PSMD3: variants seen among roughly 807,000 people sequenced by gnomAD.
PSMD3 encodes the protein 26S proteasome non-ATPase regulatory subunit 3.
PSMD3 carries 5 observed loss-of-function variants against 62.8 expected under a neutral mutation model. The observed-to-expected ratio is 0.08, with a 90% CI of 0.04 to 0.17. PSMD3 has a LOEUF of 0.17. Ranked by LOEUF, PSMD3 falls within the 10% of genes least tolerant of loss-of-function variation. The pLI, the probability that PSMD3 is intolerant of heterozygous loss-of-function variation, is 1.00. For missense variants in PSMD3, 524 were observed against 713.6 expected (o/e 0.73, Z 3.03); for synonymous variants, 265 against 283.9 (o/e 0.93, Z 0.67).
chr17:39,986,427 C>G (rs1324170556), intron 2 of PSMD3, 148 bp from the exon 3 acceptor site: 1 of 1,023,596 alleles, frequency 9.8e-7, no homozygotes, highest in Non-Finnish European at 1.4e-6. Flanking sequence ...AGACTGTAAT[C>G]TTTATTTTTT....
Position 39,997,487 on chromosome 17 carries a change from C to T in PSMD3, c.1528-17C>T, listed in dbSNP as rs770328951. The stretch of plus-strand genomic sequence containing the variant: ...GAGCTGCTCTGAAGCTTTGGCCTCA[C>T]TTGCCTCTCTCCCCAGGAACGGCGT... On this transcript the variant is annotated splice_polypyrimidine_tract_variant and intron_variant, in intron 11 of 11. Coordinates refer to ENST00000264639, the MANE Select transcript of PSMD3 (RefSeq NM_002809.4). 5.6e-6 allele frequency: 9 copies of T among 1,614,020 alleles called. No individual in the cohort carries two copies. In the South Asian group the frequency reaches 6.6e-5, roughly 12 times the overall value.
rs1052713033 is a variant in PSMD3 at position 39,997,332 on chromosome 17, C to T, written c.1479C>T (p.Ala493=). The change falls in exon 11 of 12, where the codon GCC becomes GCT. Residue 493 remains alanine (A), a splice_region_variant and synonymous_variant. Transcript: ENST00000264639. ...CTCCTCTCTTTGCTGTGCCCCAGGCCATGAGGTTTCCTCCCAAATCGTACA... is the reference window on the plus strand; with the variant it reads ...CTCCTCTCTTTGCTGTGCCCCAGGCTATGAGGTTTCCTCCCAAATCGTACA... The part of the protein sequence containing the change: ...CLDIHNMSVK[A]MRFPPKSYNK... 1.9e-6 allele frequency: 3 copies of T among 1,614,156 alleles called. No individual in the cohort carries two copies. The highest frequency in any genetic ancestry group is 2.5e-6 in the Non-Finnish European group (3 of 1,180,008).
intron 2 of PSMD3, among the ~76,000 whole-genome samples, chr17:39,985,288 C>G (rs544715143): frequency 1.3e-5 from 2 of 152,230 alleles, no homozygotes; most frequent in African/African-American, 4.8e-5. Flanking sequence ...GAATCCAAAC[C>G]CTGACAGTTA....
At position 39,988,826 on chromosome 17, in the gene PSMD3, G is replaced by T. The variant is rs1368854874; in HGVS notation, c.686+7G>T. 1.9e-6 allele frequency: 3 copies of T among 1,613,132 alleles called. No individual in the cohort carries two copies. Among genetic ancestry groups the T allele is most frequent in the Admixed American group, 1.7e-5 (1 of 60,016 alleles). ...AGCTGGATGTGGTGCGCAGGTACAG[G>T]CAGCCAAGCATCTCACTTGGGGTCC... On this transcript the variant is annotated splice_region_variant and intron_variant, in intron 4 of 11. Transcript: ENST00000264639.
intron 1 of PSMD3, among the ~76,000 whole-genome samples, chr17:39,982,094 A>C (rs150276871): frequency 3.9e-5 from 6 of 152,322 alleles, no homozygotes; most frequent in African/African-American, 1.4e-4. Context: ...AATGCGTGAG[A>C]AACTAGCTCA....
chr17:39,996,159 A>G lies in PSMD3; in HGVS notation c.1321-24A>G. 1 of 1,612,738 alleles carries G rather than the reference A, an allele frequency of 6.2e-7. No individual in the cohort carries two copies. Among genetic ancestry groups the G allele is most frequent in the Non-Finnish European group, 8.5e-7 (1 of 1,179,754 alleles). On this transcript the variant is annotated intron_variant, in intron 9 of 11. Transcript: ENST00000264639. This position sits in a 1 kb window ranked among gnomAD's most constrained non-coding sequence, Gnocchi z 5.1. The stretch of plus-strand genomic sequence containing the variant: ...AAGAAGAAGCTGGGTGTGCTGGTGA[A>G]CTTTCCTCTTTGGGGGCCTGCAGGC...
chr17:39,996,988 C>G lies in PSMD3; in HGVS notation c.1477-342C>G, dbSNP rs1980799506. 6.6e-6 allele frequency among the ~76,000 whole-genome samples: 1 copy of G among 152,148 alleles called. No homozygotes were observed. Among genetic ancestry groups the G allele is most frequent in the Admixed American group, 6.6e-5 (1 of 15,264 alleles). ...TCAAGCCTCCCCTCCCACTCCTGCCCCACCACCCAGCAGCCAGCCCACTGG... is the reference window on the plus strand; with the variant it reads ...TCAAGCCTCCCCTCCCACTCCTGCCGCACCACCCAGCAGCCAGCCCACTGG... On this transcript the variant is annotated intron_variant, in intron 10 of 11. Coordinates refer to ENST00000264639, the MANE Select transcript of PSMD3 (RefSeq NM_002809.4). This position sits in a 1 kb window ranked among gnomAD's most constrained non-coding sequence, Gnocchi z 5.1.
chr17:39,980,987 C>T lies in PSMD3; in HGVS notation c.17C>T (p.Ser6Leu). 1 of 1,546,318 alleles carries T rather than the reference C, an allele frequency of 6.5e-7. No individual in the cohort carries two copies. The highest frequency in any genetic ancestry group is 8.7e-7 in the Non-Finnish European group (1 of 1,147,058). Reference sequence around the variant, plus strand: ...CCGGGTGCCATGAAGCAGGAGGGCTCGGCGCGGCGCCGCGGCGCGGACAAG... The same window carrying T: ...CCGGGTGCCATGAAGCAGGAGGGCTTGGCGCGGCGCCGCGGCGCGGACAAG... MKQEG[S>L]ARRRGADKAK... The change falls in exon 1 of 12, where the codon TCG becomes TTG. Residue 6 changes from serine to leucine, a missense_variant. Around this residue, in one of 4 missense-constraint regions of PSMD3, gnomAD observed 396 missense variants for 475.8 expected, o/e 0.83. Transcript: ENST00000264639.
At chr17:39,992,775 C>T (rs1015514574) in intron 6 of PSMD3, among the ~76,000 whole-genome samples, 8 of 151,868 alleles carry the variant, frequency 5.3e-5, no homozygotes, top group Admixed American at 4.6e-4. Context: ...CTCTCTCAGG[C>T]GGCCGTTCCT....
At chr17:39,983,605 G>T (rs1206562927) in intron 1 of PSMD3, among the ~76,000 whole-genome samples, 3 of 152,098 alleles carry the variant, frequency 2.0e-5, no homozygotes, top group African/African-American at 7.2e-5. Flanking sequence ...ATCTAAAAGG[G>T]TTTTTTTAAA....
At chr17:39,988,406 A>G (rs1980576473) in intron 3 of PSMD3, among the ~76,000 whole-genome samples, 1 of 152,182 alleles carries the variant, frequency 6.6e-6, no homozygotes, top group South Asian at 2.1e-4. Flanking sequence ...AGTGTGTGTC[A>G]GTACTTCCTT....
At position 39,995,537 on chromosome 17, in the gene PSMD3, G is replaced by A; in HGVS notation, c.1320+10G>A. ...GTTCATTGTTGCCAAGGTGGGGCTG[G>A]TTCAGGAACCACAGTGACCAGGTTG... On this transcript the variant is annotated intron_variant, in intron 9 of 11. Transcript: ENST00000264639. This position sits in a 1 kb window ranked among gnomAD's most constrained non-coding sequence, Gnocchi z 4.1. 1 of 1,603,716 alleles carries A rather than the reference G, an allele frequency of 6.2e-7. No homozygotes were observed. Among genetic ancestry groups the A allele is most frequent in the African/African-American group, 1.3e-5 (1 of 74,796 alleles).
At chr17:39,987,206 G>A (rs983236880) in intron 3 of PSMD3, among the ~76,000 whole-genome samples, 5 of 148,102 alleles carry the variant, frequency 3.4e-5, no homozygotes, top group Non-Finnish European at 7.5e-5. Context: ...AGCTCCATTT[G>A]CAAACTGCAC....
rs919187422 is a variant in PSMD3, at chr17:39,980,876, C to A, written c.-95C>A. ...GTGCGGCCCGACGCTATCTCGCGCTCGTGTGCAGGCCCGGCTCGGCTCCTG... is the reference window on the plus strand; with the variant it reads ...GTGCGGCCCGACGCTATCTCGCGCTAGTGTGCAGGCCCGGCTCGGCTCCTG... On this transcript the variant is annotated 5_prime_UTR_variant, in exon 1 of 12. Coordinates refer to ENST00000264639, the MANE Select transcript of PSMD3 (RefSeq NM_002809.4). 1 of 1,126,976 alleles carries A rather than the reference C, an allele frequency of 8.9e-7. No individual in the cohort carries two copies. Among genetic ancestry groups the A allele is most frequent in the East Asian group, 2.8e-5 (1 of 35,558 alleles). The allele number at this position is 1,126,976 out of a possible 1,614,324, so 69.8% of individuals were successfully genotyped here. A position where few individuals can be genotyped will look rare whatever the true frequency, so the allele number is the denominator to read the frequency against.
chr17:39,984,891 C>T lies in PSMD3; in HGVS notation c.411+407C>T, dbSNP rs972351823. Among the ~76,000 whole-genome samples, 8 of 152,146 alleles carry T rather than the reference C, an allele frequency of 5.3e-5. No individual in the cohort carries two copies. In the East Asian group the frequency reaches 5.8e-4, roughly 11 times the overall value. ...TCAGGGCCAGGCACAGTGGCTCACA[C>T]CTGTCTTCCCAGCACTTTGGGAGGC... is the stretch of plus-strand genomic sequence containing the variant. On this transcript the variant is annotated intron_variant, in intron 2 of 11. Coordinates refer to ENST00000264639, the MANE Select transcript of PSMD3 (RefSeq NM_002809.4).
chr17:39,981,570 G>C (rs568641322), intron 1 of PSMD3, among the ~76,000 whole-genome samples: 1 of 152,310 alleles, frequency 6.6e-6, no homozygotes, highest in Non-Finnish European at 1.5e-5. Flanking sequence ...GTTTGTGTCT[G>C]TGTGTAAACA....
At chr17:39,983,999 A>T (rs557502424) in intron 1 of PSMD3, among the ~76,000 whole-genome samples, 1 of 151,994 alleles carries the variant, frequency 6.6e-6, no homozygotes, top group Non-Finnish European at 1.5e-5. Flanking sequence ...GGAGATCGAG[A>T]CCATCCTGGC....
Position 39,986,609 on chromosome 17 carries a change from C to T in PSMD3, c.446C>T (p.Pro149Leu), listed in dbSNP as rs774765739. 1 of 1,614,152 alleles carries T rather than the reference C, an allele frequency of 6.2e-7. No homozygotes were observed. Among genetic ancestry groups the T allele is most frequent in the Admixed American group, 1.7e-5 (1 of 60,026 alleles). ...ACAGAGGCTGATTTACAGTTCCGTC[C>T]CCGCACGGGAAAAGCTGCGTCGACA... Reference protein sequence around the residue: ...MDTEADLQFRPRTGKAASTPL... With the variant: ...MDTEADLQFRLRTGKAASTPL... Residue 149 changes from proline (P) to leucine (L), a missense_variant, in exon 3 of 12, where the codon CCC (proline) becomes CTC (leucine). Pro to Leu is a moderately conservative substitution (Grantham distance 98, BLOSUM62 -3). Around this residue, in one of 4 missense-constraint regions of PSMD3, gnomAD observed 396 missense variants for 475.8 expected, o/e 0.83. Coordinates refer to ENST00000264639, the MANE Select transcript of PSMD3 (RefSeq NM_002809.4).
chr17:39,990,129 G>T lies in PSMD3; in HGVS notation c.913G>T (p.Ala305Ser), dbSNP rs139790687. 7.5e-5 allele frequency: 121 copies of T among 1,613,906 alleles called. No homozygotes were observed. Among genetic ancestry groups the T allele is most frequent in the Middle Eastern group, 3.3e-4 (2 of 6,058 alleles). Reference sequence around the variant, plus strand: ...AGCCATCCAGCTGGAGTACTCAGAGGCCCGGAGAACGATGACCAACGCCCT... The same window carrying T: ...AGCCATCCAGCTGGAGTACTCAGAGTCCCGGAGAACGATGACCAACGCCCT... ...IKAIQLEYSEARRTMTNALRK... is the reference protein window; with the variant it reads ...IKAIQLEYSESRRTMTNALRK... The change falls in exon 6 of 12, where the codon GCC becomes TCC. Residue 305 changes from alanine (A) to serine (S), a missense_variant. Around this residue, in one of 4 missense-constraint regions of PSMD3, gnomAD observed 396 missense variants for 475.8 expected, o/e 0.83. Transcript: ENST00000264639.
Sources: gnomAD v4.1 joint callset for allele counts (sites outside exome capture counted in the v4.1 genomes callset) on GRCh38, gnomAD v4.1.1 for gene constraint, gnomAD v4.1.1 regional missense constraint, Gnocchi (gnomAD v3.1) non-coding constraint, MANE v1.5 for transcripts, NCBI Gene and HGNC (gene_info 2026-07-23, HGNC 2026-07-21) for gene names.